Variants in NGF observed in about 807,000 individuals in gnomAD.
NGF encodes the protein beta-nerve growth factor.
Under a neutral mutation model 12.8 loss-of-function variants are expected in NGF, and 4 were observed. The ratio of observed to expected loss-of-function variants is 0.31; its 90% CI spans 0.15 to 0.72. The LOEUF is 0.72. Among genes scored for constraint, NGF ranks in the 30% least tolerant of loss-of-function variants. The probability of loss-of-function intolerance (pLI) is 0.69; values close to 1 mark genes in which losing one functional copy is unlikely to be tolerated. For synonymous variants in NGF, 140 were observed against 130.0 expected (o/e 1.08, Z -0.52); for missense variants, 283 against 330.8 (o/e 0.86, Z 1.12).
intron 1 of NGF, among the ~76,000 whole-genome samples, chr1:115,296,914 TAAAC>T (rs1328669878): frequency 6.6e-6 from 1 of 152,204 alleles, no homozygotes; most frequent in East Asian, 1.9e-4. Context: ...GGTAATCACT[TAAAC>T]AGAAATCAGC....
chr1:115,296,506 A>G (rs761078762), intron 1 of NGF, among the ~76,000 whole-genome samples: 48 of 152,218 alleles, frequency 3.2e-4, no homozygotes, highest in Non-Finnish European at 6.2e-4. Context: ...TCGGGTGTCT[A>G]CTATAAGCCA....
intron 1 of NGF, among the ~76,000 whole-genome samples, chr1:115,317,536 T>G (rs1016549628): frequency 3.9e-5 from 6 of 152,164 alleles, no homozygotes; most frequent in African/African-American, 1.4e-4. Context: ...AATTCTCAAG[T>G]CTGGAATTCC....
At chr1:115,318,970 G>A (rs1426812971) in intron 1 of NGF, among the ~76,000 whole-genome samples, 1 of 152,208 alleles carries the variant, frequency 6.6e-6, no homozygotes, top group African/African-American at 2.4e-5. Context: ...AGATGCTGTT[G>A]AATGGCTTCA....
intron 1 of NGF, among the ~76,000 whole-genome samples, chr1:115,318,159 T>C (rs146179904): frequency 1.9e-4 from 29 of 152,300 alleles, no homozygotes; most frequent in African/African-American, 6.7e-4. Context: ...GGAAGCTTCA[T>C]GTGAATTAGA....
At chr1:115,304,257 G>A (rs1264959851) in intron 1 of NGF, among the ~76,000 whole-genome samples, 1 of 151,358 alleles carries the variant, frequency 6.6e-6, no homozygotes, top group South Asian at 2.1e-4. Context: ...CCACCTCCTG[G>A]GTTCAAGCAA....
In NGF at chr1:115,337,261, GTTTTTGTT is replaced by G. The variant is rs1655140101; in HGVS notation, c.-137+935_-137+942del. Among the ~76,000 whole-genome samples, 25 of 11,754 alleles carry G rather than the reference GTTTTTGTT, an allele frequency of 2.1e-3. 1 individual carries two copies. Among genetic ancestry groups the G allele is most frequent in the Non-Finnish European group, 4.4e-3 (23 of 5,208 alleles). 7.7% of individuals were successfully genotyped at this position (11,754 alleles called of 152,430 possible). A position where few individuals can be genotyped will look rare whatever the true frequency, so the allele number is the denominator to read the frequency against. On this transcript the variant is annotated intron_variant, in intron 1 of 2. Coordinates refer to ENST00000369512, the MANE Select transcript of NGF (RefSeq NM_002506.3). ...AGAATCTCGAAATTTTTTTTGTTTT[GTTTTTGTT>G]TTTTTTTTTTTTTTTTTTTTTTTTT... is the stretch of plus-strand genomic sequence containing the variant.
chr1:115,322,807 A>T (rs1654667537), intron 1 of NGF, among the ~76,000 whole-genome samples: 1 of 152,178 alleles, frequency 6.6e-6, no homozygotes, highest in South Asian at 2.1e-4. Context: ...TGCCATGGCG[A>T]CGACCTTCTG....
In NGF at chr1:115,286,379, G is replaced by A. The variant is rs369555032; in HGVS notation, c.417C>T (p.Val139=). 6.2e-7 allele frequency: 1 copy of A among 1,613,792 alleles called. No homozygotes were observed. The highest frequency in any genetic ancestry group is 8.5e-7 in the Non-Finnish European group (1 of 1,180,012). Residue 139 remains valine (V), a synonymous_variant, in exon 3 of 3, where the codon GTC becomes GTT. Transcript: ENST00000369512. ...HRGEFSVCDS[V]SVWVGDKTTA... ...TGGTCTTATCCCCAACCCACACGCT[G>A]ACACTGTCACACACCGAGAATTCGC...
intron 1 of NGF, among the ~76,000 whole-genome samples, chr1:115,321,153 AT>A (rs1242579665): frequency 2.6e-5 from 4 of 152,164 alleles, no homozygotes; most frequent in Non-Finnish European, 5.9e-5. Context: ...GCACGTGGAA[AT>A]GGCCATTTCT....
chr1:115,303,318 G>C (rs1158007396), intron 1 of NGF, among the ~76,000 whole-genome samples: 1 of 152,098 alleles, frequency 6.6e-6, no homozygotes, highest in Non-Finnish European at 1.5e-5. Flanking sequence ...ACAGCGTTTA[G>C]ATAGGTCAAG....
intron 2 of NGF, among the ~76,000 whole-genome samples, chr1:115,289,629 A>G (rs1018445399): frequency 6.6e-5 from 10 of 152,286 alleles, no homozygotes; most frequent in African/African-American, 2.4e-4. Flanking sequence ...CATACTCATA[A>G]TCATAATTAG....
chr1:115,307,057 C>T (rs576238982), intron 1 of NGF, among the ~76,000 whole-genome samples: 1 of 152,300 alleles, frequency 6.6e-6, no homozygotes, highest in South Asian at 2.1e-4. Flanking sequence ...TGTCATTTTC[C>T]ATCAGCTTGG....
intron 1 of NGF, among the ~76,000 whole-genome samples, chr1:115,313,204 G>A (rs969315917): frequency 6.6e-6 from 1 of 152,178 alleles, no homozygotes. Flanking sequence ...TTTCATAAGT[G>A]GCCATTTTGC....
chr1:115,293,636 G>T lies in NGF; in HGVS notation c.-22C>A, dbSNP rs572125330. 1.6e-4 allele frequency: 24 copies of T among 152,844 alleles called. No homozygotes were observed. The highest frequency in any genetic ancestry group is 5.8e-4 in the African/African-American group (24 of 41,564). The allele number at this position is 152,844 out of a possible 1,614,324, so 9.5% of individuals were successfully genotyped here. ...TCCCTTAGGCACTTACCTCAGTGTG[G>T]CCAGGATAGAAAGCTGCTCCCTTGG... On this transcript the variant is annotated 5_prime_UTR_variant, in exon 2 of 3. Coordinates refer to ENST00000369512, the MANE Select transcript of NGF (RefSeq NM_002506.3).
intron 2 of NGF, among the ~76,000 whole-genome samples, chr1:115,292,314 C>T (rs954324772): frequency 6.6e-6 from 1 of 152,144 alleles, no homozygotes; most frequent in Non-Finnish European, 1.5e-5. Context: ...GAAGGTACAT[C>T]AGAGATTCAA....
intron 1 of NGF, among the ~76,000 whole-genome samples, chr1:115,312,406 A>C (rs896359818): frequency 3.3e-5 from 5 of 152,322 alleles, no homozygotes; most frequent in African/African-American, 1.2e-4. Context: ...AGACAAGTAT[A>C]AGGCATGAGC....
chr1:115,305,545 A>G (rs1012100577), intron 1 of NGF, among the ~76,000 whole-genome samples: 7 of 152,216 alleles, frequency 4.6e-5, no homozygotes, highest in Non-Finnish European at 1.0e-4. Context: ...TCTATGCTTG[A>G]ACATACCTGA....
chr1:115,290,879 C>T lies in NGF; in HGVS notation c.-13+2748G>A, dbSNP rs74877290. 1.6e-3 allele frequency among the ~76,000 whole-genome samples: 239 copies of T among 152,328 alleles called. 1 individual carries two copies. The highest frequency in any genetic ancestry group is 5.4e-3 in the African/African-American group (225 of 41,568). ...AACTGTGAGTATGTAGACAAGTCTC[C>T]TGCCTCCAGTGTTCCTTAATTCTCC... On this transcript the variant is annotated intron_variant, in intron 2 of 2. Coordinates refer to ENST00000369512, the MANE Select transcript of NGF (RefSeq NM_002506.3).
chr1:115,333,669 CT>C (rs1331061592), intron 1 of NGF, among the ~76,000 whole-genome samples: 1 of 55,240 alleles, frequency 1.8e-5, no homozygotes, highest in Non-Finnish European at 2.8e-5. Flanking sequence ...TTCTTTCTTT[CT>C]TTCTTTCTTT....
Sources: allele counts gnomAD v4.1 joint callset (sites outside exome capture counted in the v4.1 genomes callset), GRCh38; gene constraint gnomAD v4.1.1; transcripts MANE v1.5; gene names NCBI Gene and HGNC (gene_info 2026-07-23, HGNC 2026-07-21).